PTPRG: variants seen among roughly 807,000 people sequenced by gnomAD.
The protein encoded by PTPRG is receptor-type tyrosine-protein phosphatase gamma.
In PTPRG, 102 loss-of-function variants were observed where a neutral mutation model predicts 165.3. The ratio of observed to expected loss-of-function variants is 0.62; its 90% CI spans 0.53 to 0.73. The LOEUF is 0.73. Ranked by LOEUF, PTPRG falls within the 30% of genes least tolerant of loss-of-function variation. The pLI is 0.00. For missense variants in PTPRG, 1,866 were observed against 1,861.4 expected, an observed-to-expected ratio of 1.00 and a Z score of -0.05; for synonymous variants, 675 against 669.5, an observed-to-expected ratio of 1.01 and a Z score of -0.13.
chr3:61,601,727 G>T (rs907838915), intron 1 of PTPRG, among the ~76,000 whole-genome samples: 2 of 152,126 alleles, frequency 1.3e-5, no homozygotes, highest in Non-Finnish European at 2.9e-5. Flanking sequence ...GTATTTTAGT[G>T]GGGGGAAACA....
Position 62,097,009 on chromosome 3 carries a change from G to T in PTPRG, c.615+18751G>T, listed in dbSNP as rs540506438. On this transcript the variant is annotated intron_variant, in intron 5 of 29. Transcript: ENST00000474889. The stretch of plus-strand genomic sequence containing the variant: ...AAGCAAAAATCCGCCCATCTTAAAA[G>T]TGAAATTATGGGCCAAGCTGGCTTA... 1.5e-3 allele frequency among the ~76,000 whole-genome samples: 221 copies of T among 152,266 alleles called. 1 individual carries two copies. The highest frequency in any genetic ancestry group is 5.1e-3 in the African/African-American group (212 of 41,544).
intron 1 of PTPRG, among the ~76,000 whole-genome samples, chr3:61,674,160 TC>T (rs1179499694): frequency 1.4e-5 from 2 of 147,848 alleles, no homozygotes; most frequent in African/African-American, 5.2e-5. Context: ...TGCACATGTA[TC>T]CCAGAACAAG....
chr3:62,171,113 C>T (rs1705198511), intron 8 of PTPRG, among the ~76,000 whole-genome samples: 1 of 152,162 alleles, frequency 6.6e-6, no homozygotes, highest in African/African-American at 2.4e-5. Flanking sequence ...GTTTGTTCTT[C>T]TGTATTGCTA....
At chr3:61,744,720 A>G (rs1372000531) in intron 1 of PTPRG, among the ~76,000 whole-genome samples, 4 of 152,318 alleles carry the variant, frequency 2.6e-5, no homozygotes, top group African/African-American at 9.6e-5. Flanking sequence ...AGTCACCTTT[A>G]ATGAGTAGTT....
intron 2 of PTPRG, among the ~76,000 whole-genome samples, chr3:61,793,638 G>A (rs1049454215): frequency 2.6e-5 from 4 of 152,130 alleles, no homozygotes; most frequent in African/African-American, 7.2e-5. Context: ...GACACAAAAA[G>A]CTATTGATAA....
intron 5 of PTPRG, chr3:62,118,437 C>T (rs185486541): frequency 6.6e-6 from 1 of 152,206 alleles, no homozygotes; most frequent in Non-Finnish European, 1.5e-5. Flanking sequence ...GGCAACCTGA[C>T]TTGGAAGACC....
At chr3:61,773,720 T>C (rs571952913) in intron 2 of PTPRG, among the ~76,000 whole-genome samples, 1 of 151,686 alleles carries the variant, frequency 6.6e-6, no homozygotes, top group East Asian at 1.9e-4. Flanking sequence ...ATGCTGTGTA[T>C]GCTTAGGGAA....
intron 2 of PTPRG, among the ~76,000 whole-genome samples, chr3:61,922,849 G>A (rs6766458): frequency 0.019 from 2,860 of 152,230 alleles, 72 homozygotes; most frequent in African/African-American, 0.064. Context: ...CCATGTTGCC[G>A]AGGCTGGTCT....
intron 1 of PTPRG, among the ~76,000 whole-genome samples, chr3:61,657,890 T>A (rs1702551924): frequency 6.6e-6 from 1 of 152,154 alleles, no homozygotes; most frequent in Non-Finnish European, 1.5e-5. Context: ...TGCTTTGTAC[T>A]TTGCTTGTTA....
At chr3:62,081,635 G>C (rs1380386549) in intron 5 of PTPRG, among the ~76,000 whole-genome samples, 2 of 152,210 alleles carry the variant, frequency 1.3e-5, no homozygotes, top group African/African-American at 4.8e-5. Context: ...GTCAGCCACT[G>C]CGCCCGGCCC....
chr3:62,014,473 G>C (rs943591086), intron 4 of PTPRG, among the ~76,000 whole-genome samples: 1 of 152,178 alleles, frequency 6.6e-6, no homozygotes, highest in African/African-American at 2.4e-5. Flanking sequence ...AGATATTTAG[G>C]TTAATAGTAA....
rs79242041 is a variant in PTPRG at position 61,585,739 on chromosome 3, C to T, written c.85+23367C>T. On this transcript the variant is annotated intron_variant, in intron 1 of 29. Transcript: ENST00000474889. ...TCCAGCCTGGGCAACAGAGCCAGACCGTGTCTCAAAAGAAAACAATATTAG... is the reference window on the plus strand; with the variant it reads ...TCCAGCCTGGGCAACAGAGCCAGACTGTGTCTCAAAAGAAAACAATATTAG... 9.7e-3 allele frequency among the ~76,000 whole-genome samples: 1,480 copies of T among 152,272 alleles called. 15 individuals carry two copies. Among genetic ancestry groups the T allele is most frequent in the Non-Finnish European group, 0.015 (992 of 68,020 alleles).
chr3:61,918,362 G>GTATA lies in PTPRG; in HGVS notation c.191-71252_191-71249dup, dbSNP rs143655937. Among the ~76,000 whole-genome samples the GTATA allele has an allele frequency of 4.1e-3, 622 of 151,136 alleles. 8 individuals carry two copies. The highest frequency in any genetic ancestry group is 0.013 in the African/African-American group (546 of 41,228). On this transcript the variant is annotated intron_variant, in intron 2 of 29. Transcript: ENST00000474889. Reference sequence around the variant, plus strand: ...AAATCAGTTATTGAATGGGAAATATGTATATATATATATACACACACACAG... The same window carrying GTATA: ...AAATCAGTTATTGAATGGGAAATATGTATATATATATATATATACACACACACAG...
At chr3:62,264,528 T>C (rs1358507643) in intron 17 of PTPRG, among the ~76,000 whole-genome samples, 1 of 152,214 alleles carries the variant, frequency 6.6e-6, no homozygotes, top group Non-Finnish European at 1.5e-5. Context: ...ACATTTCATA[T>C]AAACAGATTC....
intron 2 of PTPRG, among the ~76,000 whole-genome samples, chr3:61,816,135 G>C (rs1342472736): frequency 1.3e-5 from 2 of 152,166 alleles, no homozygotes; most frequent in Admixed American, 6.5e-5. Flanking sequence ...AGGAAATTGA[G>C]ATCCAGGGAT....
At chr3:61,948,809 A>G (rs1451974926) in intron 2 of PTPRG, among the ~76,000 whole-genome samples, 1 of 152,148 alleles carries the variant, frequency 6.6e-6, no homozygotes, top group Non-Finnish European at 1.5e-5. Flanking sequence ...ACCTTTGAGA[A>G]TGCAGTCATG....
At chr3:61,863,222 G>GAGAGT (rs2037320817) in intron 2 of PTPRG, among the ~76,000 whole-genome samples, 4 of 152,286 alleles carry the variant, frequency 2.6e-5, no homozygotes, top group Admixed American at 2.6e-4. Flanking sequence ...GGATTGTCTT[G>GAGAGT]GACTGAGACA....
Position 62,026,879 on chromosome 3 carries a change from T to TAAAAAAAAAAAAAAAAAAAAA in PTPRG, c.519+23397_519+23398insAAAAAAAAAAAAAAAAAAAAA, listed in dbSNP as rs200417191. 4.3e-3 allele frequency among the ~76,000 whole-genome samples: 403 copies of TAAAAAAAAAAAAAAAAAAAAA among 94,360 alleles called. 15 individuals are homozygous for TAAAAAAAAAAAAAAAAAAAAA. The highest frequency in any genetic ancestry group is 7.2e-3 in the East Asian group (24 of 3,322). The allele number at this position is 94,360 out of a possible 152,430, so 61.9% of individuals were successfully genotyped here. ...CCAGCCTGGGAAACCGAGTGAGAAT[T>TAAAAAAAAAAAAAAAAAAAAA]AAAAAAAAAAAAAAAGATATAAGAA... On this transcript the variant is annotated intron_variant, in intron 4 of 29. Transcript: ENST00000474889.
chr3:62,217,545 G>C lies in PTPRG; in HGVS notation c.2156-1306G>C, dbSNP rs1468110437. On this transcript the variant is annotated intron_variant, in intron 12 of 29. Coordinates refer to ENST00000474889, the MANE Select transcript of PTPRG (RefSeq NM_002841.4). The surrounding 1 kb of genome is among the most constrained non-coding windows in gnomAD (Gnocchi z 4.3). Reference sequence around the variant, plus strand: ...CTGCATTTAGTCCATCCTGCAGAGGGACACTCCGGGCTGGCTGAACGCTGG... The same window carrying C: ...CTGCATTTAGTCCATCCTGCAGAGGCACACTCCGGGCTGGCTGAACGCTGG... The C allele has an allele frequency of 6.6e-6, 1 of 152,278 alleles. No individual in the cohort carries two copies. The highest frequency in any genetic ancestry group is 1.5e-5 in the Non-Finnish European group (1 of 68,070). The allele number at this position is 152,278 out of a possible 1,614,324, so 9.4% of individuals were successfully genotyped here. A position where few individuals can be genotyped will look rare whatever the true frequency, so the allele number is the denominator to read the frequency against.
Sources: allele counts gnomAD v4.1 joint callset (sites outside exome capture counted in the v4.1 genomes callset), GRCh38; gene constraint gnomAD v4.1.1; non-coding constraint Gnocchi (gnomAD v3.1); transcripts MANE v1.5; gene names NCBI Gene and HGNC (gene_info 2026-07-23, HGNC 2026-07-21).